Variants in FANCC observed in about 807,000 individuals in gnomAD.
FANCC encodes Fanconi anemia group C protein.
Under a neutral mutation model 71.3 loss-of-function variants are expected in FANCC, and 55 were observed. That is an observed-to-expected ratio of 0.77 (90% confidence interval 0.62 to 0.97). The LOEUF (loss-of-function observed/expected upper bound fraction) is 0.97, where lower values mean the gene tolerates loss of function less well. Ranked by LOEUF, FANCC falls within the 50% of genes least tolerant of loss-of-function variation. The pLI is 0.00. For synonymous variants in FANCC, 275 were observed against 244.9 expected, an observed-to-expected ratio of 1.12 and a Z score of -1.15; for missense variants, 678 against 670.9, an observed-to-expected ratio of 1.01 and a Z score of -0.12.
chr9:95,261,370 CTAGTG>C (rs1456710007), intron 1 of FANCC, among the ~76,000 whole-genome samples: 2 of 152,228 alleles, frequency 1.3e-5, no homozygotes, highest in East Asian at 3.9e-4. Context: ...ATGATTCTGC[CTAGTG>C]TATGTACCTA....
chr9:95,160,430 G>A (rs547624692), intron 6 of FANCC, among the ~76,000 whole-genome samples: 1 of 152,300 alleles, frequency 6.6e-6, no homozygotes, highest in African/African-American at 2.4e-5. Flanking sequence ...GGTTACTACA[G>A]ACTTGTAGTA....
intron 7 of FANCC, among the ~76,000 whole-genome samples, chr9:95,148,922 T>C (rs1306309676): frequency 6.6e-6 from 1 of 152,214 alleles, no homozygotes; most frequent in African/African-American, 2.4e-5. Context: ...ATTCCCGCCT[T>C]TCCCAATTAC....
chr9:95,252,882 C>CT (rs1166604605), intron 1 of FANCC, among the ~76,000 whole-genome samples: 1 of 150,192 alleles, frequency 6.7e-6, no homozygotes, highest in African/African-American at 2.5e-5. Context: ...GACCCCATCT[C>CT]TAAAAAAAAA....
chr9:95,126,787 C>T (rs1013754287), intron 8 of FANCC: 4 of 580,272 alleles, frequency 6.9e-6, no homozygotes, highest in African/African-American at 1.9e-5. Flanking sequence ...GGGTTACAGG[C>T]AGCTTATTCC....
intron 4 of FANCC, among the ~76,000 whole-genome samples, chr9:95,193,042 G>A (rs1225251688): frequency 6.6e-6 from 1 of 152,198 alleles, no homozygotes; most frequent in African/African-American, 2.4e-5. Context: ...CTTTGGAGAT[G>A]TAGCAGCCAA....
intron 13 of FANCC, 81 bp downstream of exon 13, chr9:95,111,382 C>G (rs181021015): frequency 6.3e-7 from 1 of 1,597,262 alleles, no homozygotes. Flanking sequence ...AAGCCAAGCC[C>G]ACAACAGAGC....
Position 95,107,220 on chromosome 9 carries a change from CTG to C in FANCC, c.1377_1378del (p.Ser459ArgfsTer58), listed in dbSNP as rs2134456127. The C allele has an allele frequency of 6.2e-7, 1 of 1,614,158 alleles. No homozygotes were observed. The highest frequency in any genetic ancestry group is 2.2e-5 in the East Asian group (1 of 44,884). Reference sequence around the variant, plus strand: ...CTGCAGGTCCTGGGCTGAGAGGCTGCTGCTTCTGGACATTGCCAGGAGGTGGC... The same window carrying C: ...CTGCAGGTCCTGGGCTGAGAGGCTGCCTTCTGGACATTGCCAGGAGGTGGC... On this transcript the variant is annotated frameshift_variant, in exon 14 of 15. Transcript: ENST00000289081. LOFTEE classifies it high-confidence loss of function.
intron 1 of FANCC, among the ~76,000 whole-genome samples, chr9:95,252,896 T>TC (rs1288894814): frequency 7.1e-6 from 1 of 141,382 alleles, no homozygotes; most frequent in African/African-American, 2.8e-5. Context: ...AAAAAAAAAA[T>TC]TTTTTTTTTT....
intron 4 of FANCC, among the ~76,000 whole-genome samples, chr9:95,206,284 G>A (rs758781940): frequency 2.7e-4 from 41 of 152,134 alleles, no homozygotes; most frequent in Non-Finnish European, 5.4e-4. Context: ...CTCTTGCAAC[G>A]GGACTGGCCT....
Position 95,114,699 on chromosome 9 carries a change from C to G in FANCC, c.1084G>C (p.Gly362Arg). ...TGCTTCAGTGTCTGGAGCCAGTGTC[C>G]CCGAGGGATATCTGCGGGTGGAGAG... ...LLQDPQDIPR[G>R]HWLQTLKHIS... The change falls in exon 12 of 15, where the codon GGA becomes CGA. Residue 362 changes from glycine to arginine, a missense_variant. Physicochemically the swap from Gly to Arg is moderately radical, Grantham distance 125. Transcript: ENST00000289081. The G allele has an allele frequency of 6.2e-7, 1 of 1,614,046 alleles. No homozygotes were observed.
intron 7 of FANCC, among the ~76,000 whole-genome samples, chr9:95,136,098 A>G (rs1827644900): frequency 6.6e-6 from 1 of 152,224 alleles, no homozygotes; most frequent in Non-Finnish European, 1.5e-5. Context: ...AAATATTTCT[A>G]ACAATTTCAA....
chr9:95,175,353 A>T (rs985743559), intron 4 of FANCC, among the ~76,000 whole-genome samples: 6 of 152,202 alleles, frequency 3.9e-5, no homozygotes, highest in African/African-American at 1.4e-4. Flanking sequence ...TTTACAAAAA[A>T]ATGAATCCAC....
At chr9:95,288,075 T>C (rs1270210810) in intron 1 of FANCC, among the ~76,000 whole-genome samples, 10 of 152,180 alleles carry the variant, frequency 6.6e-5, no homozygotes, top group Non-Finnish European at 1.2e-4. Context: ...TTCTTCATAA[T>C]CTCTGTACAG....
intron 8 of FANCC, among the ~76,000 whole-genome samples, chr9:95,130,745 T>A (rs1232916040): frequency 6.6e-6 from 1 of 152,240 alleles, no homozygotes; most frequent in Admixed American, 6.5e-5. Flanking sequence ...GTTGTTAATA[T>A]GTGCATATTC....
chr9:95,114,975 C>T (rs528789892), intron 11 of FANCC, among the ~76,000 whole-genome samples: 96 of 152,248 alleles, frequency 6.3e-4, no homozygotes, highest in Non-Finnish European at 1.2e-3. Context: ...CACGATCTTG[C>T]TTGGTCAGAG....
intron 3 of FANCC, among the ~76,000 whole-genome samples, chr9:95,245,924 A>G (rs1471869759): frequency 6.6e-6 from 1 of 151,906 alleles, no homozygotes; most frequent in African/African-American, 2.4e-5. Context: ...AGTTACATAA[A>G]TGTGATCTCT....
intron 13 of FANCC, chr9:95,111,124 C>A: frequency 6.5e-7 from 1 of 1,532,866 alleles, no homozygotes. Context: ...CCCCTCAGAA[C>A]AGCCCGCCTC....
chr9:95,310,800 TC>T (rs1835349451), intron 1 of FANCC, among the ~76,000 whole-genome samples: 1 of 152,140 alleles, frequency 6.6e-6, no homozygotes, highest in Non-Finnish European at 1.5e-5. Context: ...TCAACAAACA[TC>T]AATGCAGTTA....
At chr9:95,124,333 C>T (rs997390402) in intron 10 of FANCC, among the ~76,000 whole-genome samples, 2 of 152,016 alleles carry the variant, frequency 1.3e-5, no homozygotes, top group Non-Finnish European at 2.9e-5. Flanking sequence ...CTTCTGTGGC[C>T]GTTAGAAATC....
Sources: gnomAD v4.1 joint callset for allele counts (sites outside exome capture counted in the v4.1 genomes callset) on GRCh38, gnomAD v4.1.1 for gene constraint, MANE v1.5 for transcripts, NCBI Gene and HGNC (gene_info 2026-07-23, HGNC 2026-07-21) for gene names.